DLG2: variants seen among roughly 807,000 people sequenced by gnomAD.
The protein encoded by DLG2 is disks large homolog 2.
DLG2 carries 45 observed loss-of-function variants against 132.5 expected under a neutral mutation model. The observed-to-expected ratio is 0.34, with a 90% CI of 0.27 to 0.44. The LOEUF is 0.44. Among genes scored for constraint, DLG2 ranks in the 20% least tolerant of loss-of-function variants. The pLI is 1.00. For missense variants in DLG2, 1,045 were observed against 1,196.9 expected (o/e 0.87, Z 1.87); for synonymous variants, 424 against 419.6 (o/e 1.01, Z -0.13).
At chr11:85,586,646 T>A (rs2078991165) in intron 3 of DLG2, among the ~76,000 whole-genome samples, 1 of 152,168 alleles carries the variant, frequency 6.6e-6, no homozygotes, top group Non-Finnish European at 1.5e-5. Flanking sequence ...ATCTTTCAAA[T>A]AACCAGGTTT....
intron 4 of DLG2, among the ~76,000 whole-genome samples, chr11:85,284,853 T>C (rs538628667): frequency 2.0e-5 from 3 of 151,846 alleles, no homozygotes; most frequent in East Asian, 3.9e-4. Flanking sequence ...CCAGGATATG[T>C]GCCCTTCCTA....
chr11:83,467,330 G>T (rs879518165), intron 25 of DLG2, among the ~76,000 whole-genome samples: 3 of 152,144 alleles, frequency 2.0e-5, no homozygotes, highest in South Asian at 2.1e-4. Context: ...ACACCTCATT[G>T]TCTCACCCTG....
At chr11:83,850,682 C>T (rs536840110) in intron 16 of DLG2, among the ~76,000 whole-genome samples, 2 of 152,280 alleles carry the variant, frequency 1.3e-5, no homozygotes, top group South Asian at 4.1e-4. Context: ...ACAGGGCAAA[C>T]AGAGATTCAA....
chr11:83,669,328 T>A (rs1437100409), intron 18 of DLG2, among the ~76,000 whole-genome samples: 1 of 152,216 alleles, frequency 6.6e-6, no homozygotes, highest in African/African-American at 2.4e-5. Context: ...TGATACTGAG[T>A]ATGTTTCTGC....
intron 3 of DLG2, among the ~76,000 whole-genome samples, chr11:85,494,030 G>A (rs1388060715): frequency 2.0e-5 from 3 of 152,056 alleles, no homozygotes; most frequent in Non-Finnish European, 4.4e-5. Flanking sequence ...TCATATGACA[G>A]GAGAGAAAGA....
intron 7 of DLG2, among the ~76,000 whole-genome samples, chr11:84,349,327 C>A (rs1325950924): frequency 6.6e-6 from 1 of 152,150 alleles, no homozygotes; most frequent in African/African-American, 2.4e-5. Flanking sequence ...CCCCTGCCCC[C>A]ACCTTCTTTT....
At chr11:83,702,913 A>G (rs1592730498) in intron 18 of DLG2, among the ~76,000 whole-genome samples, 1 of 152,248 alleles carries the variant, frequency 6.6e-6, no homozygotes, top group African/African-American at 2.4e-5. Flanking sequence ...ATGGGAAGAA[A>G]GCAAATATAC....
chr11:84,382,292 T>G (rs1413783624), intron 7 of DLG2, among the ~76,000 whole-genome samples: 1 of 152,148 alleles, frequency 6.6e-6, no homozygotes, highest in African/African-American at 2.4e-5. Context: ...ACAGCTGTCA[T>G]CAAACTAGTA....
chr11:85,433,294 G>A (rs1239693189), intron 3 of DLG2, among the ~76,000 whole-genome samples: 2 of 152,074 alleles, frequency 1.3e-5, no homozygotes, highest in African/African-American at 4.8e-5. Flanking sequence ...TCAGGATAAT[G>A]GAATCAAATT....
intron 15 of DLG2, among the ~76,000 whole-genome samples, chr11:83,928,887 C>T (rs2079560357): frequency 6.6e-6 from 1 of 152,138 alleles, no homozygotes; most frequent in Non-Finnish European, 1.5e-5. Flanking sequence ...TACATAATTA[C>T]TAGCAAGTCA....
At chr11:84,249,981 C>T (rs2097350614) in intron 8 of DLG2, among the ~76,000 whole-genome samples, 1 of 152,088 alleles carries the variant, frequency 6.6e-6, no homozygotes, top group African/African-American at 2.4e-5. Flanking sequence ...ATTCTGCTCC[C>T]CTGTGGCTGA....
intron 6 of DLG2, among the ~76,000 whole-genome samples, chr11:85,032,359 G>T (rs575189): frequency 1.3e-5 from 2 of 152,044 alleles, no homozygotes; most frequent in Non-Finnish European, 2.9e-5. Flanking sequence ...ATTATAAACA[G>T]TTTTTACAAA....
intron 6 of DLG2, among the ~76,000 whole-genome samples, chr11:84,606,564 A>G (rs750723992): frequency 1.3e-5 from 2 of 152,132 alleles, no homozygotes; most frequent in African/African-American, 4.8e-5. Flanking sequence ...CAAAACTGCA[A>G]GATAAAATTT....
Position 84,273,994 on chromosome 11 carries a change from A to G in DLG2, c.520-22703T>C, listed in dbSNP as rs536315466. 1.2e-4 allele frequency among the ~76,000 whole-genome samples: 18 copies of G among 152,352 alleles called. No individual in the cohort carries two copies. In the East Asian group the frequency reaches 2.3e-3, roughly 20 times the overall value. On this transcript the variant is annotated intron_variant, in intron 7 of 27. Coordinates refer to ENST00000376104, the MANE Select transcript of DLG2 (RefSeq NM_001142699.3). ...AAAAGTCACTTTTATTCCTTATTCT[A>G]GATAAAATTTACATAGATAATACAA...
intron 19 of DLG2, among the ~76,000 whole-genome samples, chr11:83,556,993 T>A (rs2096532293): frequency 7.1e-6 from 1 of 141,516 alleles, no homozygotes; most frequent in Non-Finnish European, 1.5e-5. Context: ...ACTGTGTTTT[T>A]CCATCCCACA....
chr11:84,830,355 GC>G (rs1317725036), intron 6 of DLG2, among the ~76,000 whole-genome samples: 1 of 150,876 alleles, frequency 6.6e-6, no homozygotes, highest in African/African-American at 2.4e-5. Flanking sequence ...AATTTTGACA[GC>G]AGGCGTCATC....
intron 6 of DLG2, among the ~76,000 whole-genome samples, chr11:84,738,668 ACATTG>A (rs1335356913): frequency 1.3e-5 from 2 of 152,194 alleles, no homozygotes; most frequent in East Asian, 3.8e-4. Flanking sequence ...AAACTCCCCT[ACATTG>A]CTGGTGGGAA....
chr11:84,403,814 C>T (rs901004937), intron 7 of DLG2, among the ~76,000 whole-genome samples: 2 of 152,122 alleles, frequency 1.3e-5, no homozygotes, highest in African/African-American at 4.8e-5. Context: ...TCTCCCTGAC[C>T]TCCTAAATAT....
rs568864814 is a variant in DLG2, at chr11:84,920,013, A to C, written c.357+191648T>G. Among the ~76,000 whole-genome samples the C allele has an allele frequency of 1.6e-4, 24 of 152,336 alleles. No individual in the cohort carries two copies. The East Asian group carries it at 4.6e-3, about 29-fold the overall frequency. Reference sequence around the variant, plus strand: ...GTAATGTGAACCTTTATCAAACTCTATTTAAAACTAACAAGAAAACACAGG... The same window carrying C: ...GTAATGTGAACCTTTATCAAACTCTCTTTAAAACTAACAAGAAAACACAGG... On this transcript the variant is annotated intron_variant, in intron 6 of 27. Transcript: ENST00000376104.
Sources: allele counts gnomAD v4.1 joint callset (sites outside exome capture counted in the v4.1 genomes callset), GRCh38; gene constraint gnomAD v4.1.1; transcripts MANE v1.5; gene names NCBI Gene and HGNC (gene_info 2026-07-23, HGNC 2026-07-21).